Variants in ARHGAP29 observed in about 807,000 individuals in gnomAD.
The protein encoded by ARHGAP29 is Rho GTPase activating protein 29.
ARHGAP29 carries 43 observed loss-of-function variants against 122.6 expected under a neutral mutation model. The ratio of observed to expected loss-of-function variants is 0.35; its 90% confidence interval spans 0.27 to 0.45. The LOEUF (loss-of-function observed/expected upper bound fraction) is 0.45, where lower values mean the gene tolerates loss of function less well. Ranked by LOEUF, ARHGAP29 falls within the 20% of genes least tolerant of loss-of-function variation. The probability of loss-of-function intolerance (pLI) is 1.00; values close to 1 mark genes in which losing one functional copy is unlikely to be tolerated. For synonymous variants in ARHGAP29, 506 were observed against 497.1 expected, an observed-to-expected ratio of 1.02 and a Z score of -0.24; for missense variants, 1,303 against 1,477.2, an observed-to-expected ratio of 0.88 and a Z score of 1.93.
Position 94,189,228 on chromosome 1 carries a change from C to T in ARHGAP29, c.1564G>A (p.Ala522Thr). ...KIEEDRCSNS[A>T]DITGPSFIRS... Reference sequence around the variant, plus strand: ...GGTGGAAAACTACCTGTTATATCTGCACTGTTAGAGCATCTGTCCTCTTCA... The same window carrying T: ...GGTGGAAAACTACCTGTTATATCTGTACTGTTAGAGCATCTGTCCTCTTCA... Residue 522 changes from alanine (A) to threonine (T), a missense_variant, in exon 14 of 23, where the codon GCA becomes ACA. Coordinates refer to ENST00000260526, the MANE Select transcript of ARHGAP29 (RefSeq NM_004815.4). 6.8e-6 allele frequency: 11 copies of T among 1,609,942 alleles called. No individual in the cohort carries two copies. Among genetic ancestry groups the T allele is most frequent in the Non-Finnish European group, 9.3e-6 (11 of 1,178,718 alleles).
chr1:94,189,301 G>T lies in ARHGAP29; in HGVS notation c.1491C>A (p.Ala497=). The T allele has an allele frequency of 6.2e-7, 1 of 1,612,782 alleles. No homozygotes were observed. The highest frequency in any genetic ancestry group is 8.5e-7 in the Non-Finnish European group (1 of 1,179,340). The change falls in exon 14 of 23, where the codon GCC becomes GCA. Residue 497 remains alanine, a synonymous_variant. Coordinates refer to ENST00000260526, the MANE Select transcript of ARHGAP29 (RefSeq NM_004815.4). ...GGCGTACAACATCCTCTAAAGAGTT[G>T]GCAGGTCCAAATCCTGAAGGTTGGG... ...NSSQPSGFGP[A]NSLEDVVRLP...
chr1:94,205,042 G>A lies in ARHGAP29; in HGVS notation c.697+19C>T, dbSNP rs1383103029. 4 of 1,547,044 alleles carry A rather than the reference G, an allele frequency of 2.6e-6. No homozygotes were observed. In the East Asian group the frequency reaches 9.5e-5, roughly 37 times the overall value. ...TTAATTATTATACTCTAAATCAGAT[G>A]CTTTAAAAGGCAACTCACCCAAGTT... On this transcript the variant is annotated intron_variant, in intron 7 of 22. Coordinates refer to ENST00000260526, the MANE Select transcript of ARHGAP29 (RefSeq NM_004815.4).
At chr1:94,181,020 C>T (rs975439155) in intron 19 of ARHGAP29, among the ~76,000 whole-genome samples, 47 of 152,028 alleles carry the variant, frequency 3.1e-4, no homozygotes, top group Non-Finnish European at 7.4e-5. Flanking sequence ...ATGGTAAATC[C>T]AACAATTATA....
At chr1:94,247,195 G>A (rs573745876) in intron 1 of ARHGAP29, among the ~76,000 whole-genome samples, 1 of 152,222 alleles carries the variant, frequency 6.6e-6, no homozygotes, top group South Asian at 2.1e-4. Context: ...CTTGAGACCC[G>A]GTGAAGAAAA....
At chr1:94,283,508 A>G in the ARHGAP29 span, among the ~76,000 whole-genome samples, 2 of 152,222 alleles carry the variant, frequency 1.3e-5, no homozygotes, top group Non-Finnish European at 2.9e-5. Context: ...GATAACTCAA[A>G]TGGTTACCAA....
At chr1:94,198,248 G>A (rs1462223884) in intron 12 of ARHGAP29, among the ~76,000 whole-genome samples, 1 of 152,098 alleles carries the variant, frequency 6.6e-6, no homozygotes, top group Admixed American at 6.5e-5. Context: ...GGCCAAGGTG[G>A]GTGGATTCCT....
intron 19 of ARHGAP29, among the ~76,000 whole-genome samples, chr1:94,181,549 T>G (rs895789978): frequency 1.3e-5 from 2 of 152,062 alleles, no homozygotes; most frequent in Non-Finnish European, 2.9e-5. Context: ...CTCTGGAGTA[T>G]CAAACTACCC....
At chr1:94,293,243 G>A in the ARHGAP29 span, among the ~76,000 whole-genome samples, 2 of 152,194 alleles carry the variant, frequency 1.3e-5, no homozygotes, top group African/African-American at 2.4e-5. Flanking sequence ...AGACTGCTGC[G>A]CTGGCAGCGA....
chr1:94,313,109 A>G, the ARHGAP29 span, among the ~76,000 whole-genome samples: 2 of 152,096 alleles, frequency 1.3e-5, no homozygotes, highest in South Asian at 2.1e-4. Flanking sequence ...CCCTAAACCT[A>G]TAGACTTTCC....
At chr1:94,265,108 A>C (rs1170507794) in intron 1 of ARHGAP29, among the ~76,000 whole-genome samples, 1 of 152,164 alleles carries the variant, frequency 6.6e-6, no homozygotes, top group Non-Finnish European at 1.5e-5. Context: ...AACGAACTCT[A>C]TTCCACTCCC....
intron 1 of ARHGAP29, among the ~76,000 whole-genome samples, chr1:94,271,499 G>T (rs913613837): frequency 6.6e-6 from 1 of 151,988 alleles, no homozygotes; most frequent in African/African-American, 2.4e-5. Flanking sequence ...GTTTCTCCCC[G>T]TAAGAGAAGA....
At chr1:94,228,899 A>G (rs562565160) in intron 2 of ARHGAP29, among the ~76,000 whole-genome samples, 12 of 151,976 alleles carry the variant, frequency 7.9e-5, no homozygotes, top group African/African-American at 2.9e-4. Context: ...TTACAGAAAA[A>G]ATGTATTCTG....
upstream of ARHGAP29, among the ~76,000 whole-genome samples, chr1:94,238,971 A>G (rs1043420751): frequency 4.6e-5 from 7 of 152,206 alleles, no homozygotes; most frequent in African/African-American, 1.7e-4. Context: ...AAGATAAATA[A>G]GAAAACTCAG....
chr1:94,180,890 A>AT (rs1406113731), intron 19 of ARHGAP29, among the ~76,000 whole-genome samples: 10 of 152,332 alleles, frequency 6.6e-5, no homozygotes, highest in Admixed American at 3.9e-4. Flanking sequence ...CCTGGCTAGA[A>AT]GAAATAAAGG....
intron 1 of ARHGAP29, among the ~76,000 whole-genome samples, chr1:94,247,577 T>A (rs1653864026): frequency 6.7e-6 from 1 of 149,348 alleles, no homozygotes; most frequent in African/African-American, 2.4e-5. Context: ...CGGCGCTCCA[T>A]CCCGCGTCCC....
the ARHGAP29 span, among the ~76,000 whole-genome samples, chr1:94,308,619 G>A: frequency 6.1e-3 from 930 of 152,250 alleles, 7 homozygotes; most frequent in African/African-American, 0.021. Flanking sequence ...GGATGGGGTT[G>A]CATCTTGTGC....
In ARHGAP29 at chr1:94,216,080, G is replaced by T. The variant is rs933065565; in HGVS notation, c.340+4178C>A. ...GCAGGAAATCAGCCTCTTCAGCACT[G>T]CTATCAGAAGGGCAGAACCTATACT... On this transcript the variant is annotated intron_variant, in intron 3 of 22. Coordinates refer to ENST00000260526, the MANE Select transcript of ARHGAP29 (RefSeq NM_004815.4). 2.0e-5 allele frequency among the ~76,000 whole-genome samples: 3 copies of T among 152,132 alleles called. No individual in the cohort carries two copies. The East Asian group carries it at 5.8e-4, about 29-fold the overall frequency.
rs1648930514 is a variant in ARHGAP29 at position 94,174,112 on chromosome 1, C to T, written c.3543G>A (p.Glu1181=). Residue 1181 remains glutamate, a synonymous_variant, in exon 23 of 23, where the codon GAG becomes GAA. Transcript: ENST00000260526. ...CTGCTGCTGAGGGTGAAGCTGGCTTCTCCTCATTCCCCCTGATACTGATGA... is the reference window on the plus strand; with the variant it reads ...CTGCTGCTGAGGGTGAAGCTGGCTTTTCCTCATTCCCCCTGATACTGATGA... ...APIISIRGNE[E]KPASPSAAVP... is the part of the protein sequence containing the mutation. 1 of 1,614,166 alleles carries T rather than the reference C, an allele frequency of 6.2e-7. No individual in the cohort carries two copies. Among genetic ancestry groups the T allele is most frequent in the Non-Finnish European group, 8.5e-7 (1 of 1,180,018 alleles).
intron 3 of ARHGAP29, among the ~76,000 whole-genome samples, chr1:94,212,728 T>C (rs1651721005): frequency 6.6e-6 from 1 of 152,220 alleles, no homozygotes; most frequent in African/African-American, 2.4e-5. Context: ...TATAGCCATC[T>C]AATGAAAATT....
Sources: gnomAD v4.1 joint callset for allele counts (sites outside exome capture counted in the v4.1 genomes callset) on GRCh38, gnomAD v4.1.1 for gene constraint, MANE v1.5 for transcripts, NCBI Gene and HGNC (gene_info 2026-07-23, HGNC 2026-07-21) for gene names.